Variants in SHQ1 observed in about 807,000 individuals in gnomAD.
SHQ1 encodes SHQ1, H/ACA ribonucleoprotein assembly factor.
SHQ1 carries 49 observed loss-of-function variants against 53.8 expected under a neutral mutation model. That is an observed-to-expected ratio of 0.91 (90% CI 0.72 to 1.16). The LOEUF (loss-of-function observed/expected upper bound fraction) is 1.16. Ranked by LOEUF, SHQ1 falls within the 50% of genes most tolerant of loss-of-function variation. The pLI is 0.00. For synonymous variants in SHQ1, 243 were observed against 251.0 expected (o/e 0.97, Z 0.30); for missense variants, 738 against 683.1 (o/e 1.08, Z -0.90).
At chr3:72,766,822 G>A (rs188192206) in intron 10 of SHQ1, among the ~76,000 whole-genome samples, 1 of 152,322 alleles carries the variant, frequency 6.6e-6, no homozygotes, top group East Asian at 1.9e-4. Flanking sequence ...GAGGAAACCT[G>A]CTAGATAACT....
At position 72,832,373 on chromosome 3, in the gene SHQ1, A is replaced by T; in HGVS notation, c.595T>A (p.Tyr199Asn). 1 of 1,605,870 alleles carries T rather than the reference A, an allele frequency of 6.2e-7. No homozygotes were observed. Among genetic ancestry groups the T allele is most frequent in the Non-Finnish European group, 8.5e-7 (1 of 1,174,776 alleles). Reference sequence around the variant, plus strand: ...CTCAAAAATCTCATTACTCACAGATAATGATCAGGATCAAACTTGGCCAGC... The same window carrying T: ...CTCAAAAATCTCATTACTCACAGATTATGATCAGGATCAAACTTGGCCAGC... Reference protein sequence around the residue: ...AELAKFDPDHYLADFFEDEAI... With the variant: ...AELAKFDPDHNLADFFEDEAI... The change falls in exon 5 of 11, where the codon TAT becomes AAT. Residue 199 changes from tyrosine to asparagine, a missense_variant. By Grantham distance (143) the Tyr-to-Asn change is moderately radical (BLOSUM62 -2). Transcript: ENST00000325599.
intron 6 of SHQ1, among the ~76,000 whole-genome samples, chr3:72,821,325 G>C (rs1315820863): frequency 1.3e-5 from 2 of 152,176 alleles, no homozygotes; most frequent in Non-Finnish European, 1.5e-5. Flanking sequence ...TGGAGCTTCA[G>C]ATTAACCACT....
At chr3:72,835,271 A>G (rs905449929) in intron 4 of SHQ1, among the ~76,000 whole-genome samples, 16 of 152,158 alleles carry the variant, frequency 1.1e-4, no homozygotes, top group African/African-American at 3.9e-4. Context: ...TCTGTACTAC[A>G]GGCTGTTGTG....
At chr3:72,748,615 T>C (rs541563600), downstream of SHQ1, among the ~76,000 whole-genome samples, 5 of 152,138 alleles carry the variant, frequency 3.3e-5, no homozygotes, top group East Asian at 1.9e-4. Context: ...CGCTTCAGCC[T>C]GGAAGGCAGA....
At chr3:72,734,225 T>TAC in the SHQ1 span, among the ~76,000 whole-genome samples, 1 of 151,266 alleles carries the variant, frequency 6.6e-6, no homozygotes, top group Admixed American at 6.6e-5. Flanking sequence ...AAGTGTGTGT[T>TAC]CACAAATGCA....
intron 10 of SHQ1, among the ~76,000 whole-genome samples, chr3:72,756,838 C>G (rs1017333827): frequency 1.3e-5 from 2 of 152,152 alleles, no homozygotes; most frequent in Admixed American, 6.5e-5. Flanking sequence ...AGACTGCAGA[C>G]AAGTTATGCT....
chr3:72,799,319 C>A (rs1053869513), intron 9 of SHQ1, among the ~76,000 whole-genome samples: 7 of 151,990 alleles, frequency 4.6e-5, no homozygotes, highest in Admixed American at 1.3e-4. Flanking sequence ...ATAATAGATA[C>A]CTGGCTAGAA....
At chr3:72,808,276 C>T (rs1378313949) in intron 9 of SHQ1, among the ~76,000 whole-genome samples, 9 of 152,206 alleles carry the variant, frequency 5.9e-5, no homozygotes, top group Non-Finnish European at 8.8e-5. Context: ...TACTCATCAC[C>T]CAGGCAGCAA....
chr3:72,848,129 T>C, intron 1 of SHQ1, 69 bp downstream of exon 1: 1 of 1,589,636 alleles, frequency 6.3e-7, no homozygotes, highest in Non-Finnish European at 8.6e-7. Context: ...TCTCTCGACC[T>C]TGCATTCTCC....
intron 9 of SHQ1, among the ~76,000 whole-genome samples, chr3:72,797,062 A>T (rs932697886): frequency 2.0e-5 from 3 of 151,968 alleles, no homozygotes; most frequent in African/African-American, 7.2e-5. Context: ...GTTCAAGACC[A>T]GCCTGGCCAA....
chr3:72,727,055 C>T, the SHQ1 span, among the ~76,000 whole-genome samples: 1 of 152,152 alleles, frequency 6.6e-6, no homozygotes, highest in Non-Finnish European at 1.5e-5. Flanking sequence ...GACATCTCTG[C>T]CAAACTCCTG....
chr3:72,787,177 A>G (rs2106775946), intron 10 of SHQ1, among the ~76,000 whole-genome samples: 1 of 152,380 alleles, frequency 6.6e-6, no homozygotes, highest in South Asian at 2.1e-4. Flanking sequence ...ATTAGTGTCC[A>G]AAAGGTCAGA....
intron 1 of SHQ1, among the ~76,000 whole-genome samples, chr3:72,844,743 GCT>G (rs1200920945): frequency 3.3e-5 from 5 of 152,110 alleles, no homozygotes; most frequent in African/African-American, 9.7e-5. Flanking sequence ...AATCTGAAAT[GCT>G]CCAAAATCTG....
intron 4 of SHQ1, among the ~76,000 whole-genome samples, chr3:72,833,013 GCATTATA>G (rs1707868491): frequency 6.6e-6 from 1 of 152,158 alleles, no homozygotes; most frequent in Non-Finnish European, 1.5e-5. Context: ...TGGAATACTT[GCATTATA>G]CCAGTTAAGC....
At chr3:72,745,766 C>T (rs1174498468), downstream of SHQ1, among the ~76,000 whole-genome samples, 2 of 152,062 alleles carry the variant, frequency 1.3e-5, no homozygotes, top group East Asian at 3.9e-4. Flanking sequence ...ACTGGAAGGC[C>T]AGCAATAAAA....
At position 72,792,966 on chromosome 3, in the gene SHQ1, T is replaced by C. The variant is rs1706488358; in HGVS notation, c.1131A>G (p.Ile377Met). ...KIFQENDPAYILNDLYISDYC... is the reference protein window; with the variant it reads ...KIFQENDPAYMLNDLYISDYC... Reference sequence around the variant, plus strand: ...AGTCTGAGATGTAGAGATCATTCAGTATGTACGCTGGGTCATTTTCCTGAA... The same window carrying C: ...AGTCTGAGATGTAGAGATCATTCAGCATGTACGCTGGGTCATTTTCCTGAA... Residue 377 changes from isoleucine (I) to methionine (M), a missense_variant, in exon 10 of 11, where the codon ATA (isoleucine) becomes ATG (methionine). Transcript: ENST00000325599. 1 of 1,612,022 alleles carries C rather than the reference T, an allele frequency of 6.2e-7. No homozygotes were observed. The highest frequency in any genetic ancestry group is 8.5e-7 in the Non-Finnish European group (1 of 1,179,560).
At chr3:72,790,298 A>C (rs1706394853) in intron 10 of SHQ1, among the ~76,000 whole-genome samples, 1 of 152,234 alleles carries the variant, frequency 6.6e-6, no homozygotes, top group Non-Finnish European at 1.5e-5. Context: ...TCAATGTAAG[A>C]ATGACTTTGC....
intron 4 of SHQ1, among the ~76,000 whole-genome samples, chr3:72,836,606 G>A (rs749730026): frequency 1.3e-5 from 2 of 152,300 alleles, no homozygotes; most frequent in South Asian, 2.1e-4. Context: ...GTTCAGAGCA[G>A]TGCAAGCCCC....
intron 10 of SHQ1, among the ~76,000 whole-genome samples, chr3:72,754,542 C>T (rs888378888): frequency 6.6e-6 from 1 of 151,988 alleles, no homozygotes; most frequent in East Asian, 1.9e-4. Context: ...CCACCATGCC[C>T]GACTAATTTT....
Sources: allele counts gnomAD v4.1 joint callset (sites outside exome capture counted in the v4.1 genomes callset), GRCh38; gene constraint gnomAD v4.1.1; transcripts MANE v1.5; gene names NCBI Gene and HGNC (gene_info 2026-07-23, HGNC 2026-07-21).